Variants in CCSER1 observed in about 807,000 individuals in gnomAD.
CCSER1 encodes coiled-coil serine rich protein 1, also known as serine-rich coiled-coil domain-containing protein 1.
In CCSER1, 41 loss-of-function variants were observed where a neutral mutation model predicts 82.0. That is an observed-to-expected ratio of 0.50 (90% CI 0.39 to 0.65). The LOEUF (loss-of-function observed/expected upper bound fraction) is 0.65. CCSER1 is among the 30% of genes least tolerant of loss of function. The probability of loss-of-function intolerance (pLI) is 0.00; values close to 1 mark genes in which losing one functional copy is unlikely to be tolerated. For missense variants in CCSER1, 1,119 were observed against 1,064.2 expected (o/e 1.05, Z -0.72); for synonymous variants, 414 against 383.9 (o/e 1.08, Z -0.92).
chr4:90,307,246 C>G (rs1262054101), intron 1 of CCSER1, among the ~76,000 whole-genome samples: 1 of 152,022 alleles, frequency 6.6e-6, no homozygotes, highest in African/African-American at 2.4e-5. Context: ...CCTTTATCTT[C>G]TCCATTGATA....
intron 10 of CCSER1, among the ~76,000 whole-genome samples, chr4:91,409,808 G>A (rs1042593157): frequency 6.6e-6 from 1 of 152,076 alleles, no homozygotes; most frequent in African/African-American, 2.4e-5. Flanking sequence ...TCAGCCTCCT[G>A]AGTAGCTGGG....
chr4:90,767,764 C>G (rs936054380), intron 7 of CCSER1, among the ~76,000 whole-genome samples: 1 of 152,054 alleles, frequency 6.6e-6, no homozygotes, highest in Non-Finnish European at 1.5e-5. Flanking sequence ...ATCTCCAGGG[C>G]TCAAGAAATT....
At chr4:90,159,772 T>C (rs995715738) in intron 1 of CCSER1, among the ~76,000 whole-genome samples, 6 of 152,228 alleles carry the variant, frequency 3.9e-5, no homozygotes, top group African/African-American at 1.4e-4. Flanking sequence ...TTAATATAGT[T>C]ACCTCCCTAC....
At chr4:90,652,103 C>T (rs753062729) in intron 6 of CCSER1, among the ~76,000 whole-genome samples, 1 of 152,108 alleles carries the variant, frequency 6.6e-6, no homozygotes, top group Non-Finnish European at 1.5e-5. Context: ...AAATATCAGA[C>T]CCCTCACAGT....
chr4:90,539,418 A>G (rs1775823928), intron 5 of CCSER1, among the ~76,000 whole-genome samples: 1 of 152,070 alleles, frequency 6.6e-6, no homozygotes, highest in South Asian at 2.1e-4. Context: ...AGACTTTCCT[A>G]GCAAAATCTT....
intron 10 of CCSER1, among the ~76,000 whole-genome samples, chr4:91,232,873 G>GA (rs1408486599): frequency 2.0e-5 from 3 of 151,826 alleles, no homozygotes; most frequent in South Asian, 4.1e-4. Context: ...CCGATATGGG[G>GA]AAAAAATTAA....
At chr4:91,022,887 T>C (rs1163238651) in intron 9 of CCSER1, among the ~76,000 whole-genome samples, 1 of 152,184 alleles carries the variant, frequency 6.6e-6, no homozygotes, top group Non-Finnish European at 1.5e-5. Flanking sequence ...TTTGTTTGAG[T>C]TCATTGTAGA....
At chr4:90,236,925 A>C (rs1210688689) in intron 1 of CCSER1, among the ~76,000 whole-genome samples, 1 of 152,072 alleles carries the variant, frequency 6.6e-6, no homozygotes, top group Non-Finnish European at 1.5e-5. Context: ...AGGTTTTCTT[A>C]ATTTTAAAGT....
intron 1 of CCSER1, among the ~76,000 whole-genome samples, chr4:90,255,981 A>T (rs1299803526): frequency 6.6e-6 from 1 of 152,136 alleles, no homozygotes; most frequent in African/African-American, 2.4e-5. Flanking sequence ...ATTTCTAGTT[A>T]ATGATAGAAC....
At chr4:91,084,437 G>A (rs1328924094) in intron 9 of CCSER1, among the ~76,000 whole-genome samples, 2 of 152,050 alleles carry the variant, frequency 1.3e-5, no homozygotes, top group Non-Finnish European at 2.9e-5. Flanking sequence ...AGTCACAAAA[G>A]ATGAAATTGA....
chr4:90,573,997 C>T (rs1442928647), intron 5 of CCSER1, among the ~76,000 whole-genome samples: 1 of 151,030 alleles, frequency 6.6e-6, no homozygotes, highest in Non-Finnish European at 1.5e-5. Flanking sequence ...GTATGTTATA[C>T]TATGGAGTGA....
intron 5 of CCSER1, among the ~76,000 whole-genome samples, chr4:90,606,545 G>A (rs1158107950): frequency 1.3e-5 from 2 of 152,140 alleles, no homozygotes; most frequent in Non-Finnish European, 2.9e-5. Context: ...CACTTGACGT[G>A]ATATAGAGTT....
At chr4:90,413,759 C>T (rs1449040594) in intron 4 of CCSER1, among the ~76,000 whole-genome samples, 2 of 149,798 alleles carry the variant, frequency 1.3e-5, no homozygotes, top group African/African-American at 4.9e-5. Flanking sequence ...ATCAAGACCA[C>T]GGTGAAACCC....
intron 10 of CCSER1, among the ~76,000 whole-genome samples, chr4:91,328,229 T>A (rs113880155): frequency 0.018 from 2,734 of 152,268 alleles, 97 homozygotes; most frequent in African/African-American, 0.062. Context: ...TACCTTAGAC[T>A]GGGTAATTTA....
chr4:91,361,762 A>G (rs1421015776), intron 10 of CCSER1, among the ~76,000 whole-genome samples: 1 of 151,758 alleles, frequency 6.6e-6, no homozygotes, highest in South Asian at 2.1e-4. Context: ...ACCATTAGAT[A>G]TTTATGCATT....
intron 1 of CCSER1, among the ~76,000 whole-genome samples, chr4:90,243,784 TA>T (rs1190539569): frequency 6.6e-6 from 1 of 152,098 alleles, no homozygotes; most frequent in Admixed American, 6.6e-5. Flanking sequence ...GTGACATAAA[TA>T]AGCAGGGTGA....
At chr4:90,522,107 GT>G (rs1773213052) in intron 5 of CCSER1, among the ~76,000 whole-genome samples, 1 of 152,086 alleles carries the variant, frequency 6.6e-6, no homozygotes, top group Non-Finnish European at 1.5e-5. Flanking sequence ...CTGTCATTGA[GT>G]TTCAGAACTT....
At chr4:91,139,849 A>C (rs1211258587) in intron 10 of CCSER1, among the ~76,000 whole-genome samples, 1 of 152,210 alleles carries the variant, frequency 6.6e-6, no homozygotes, top group Non-Finnish European at 1.5e-5. Context: ...AGATATGCCA[A>C]GTACTTTTTT....
chr4:90,277,391 T>C (rs1170323649), intron 1 of CCSER1, among the ~76,000 whole-genome samples: 1 of 152,124 alleles, frequency 6.6e-6, no homozygotes, highest in Non-Finnish European at 1.5e-5. Context: ...AGGCCACACA[T>C]TACCTGTCTT....
Sources: allele counts gnomAD v4.1 joint callset (sites outside exome capture counted in the v4.1 genomes callset), GRCh38; gene constraint gnomAD v4.1.1; transcripts MANE v1.5; gene names NCBI Gene and HGNC (gene_info 2026-07-23, HGNC 2026-07-21).